The following TTC28 variants were observed in gnomAD, a reference collection of about 807,000 sequenced individuals.
TTC28 encodes the protein tetratricopeptide repeat domain 28.
TTC28 carries 61 observed loss-of-function variants against 198.0 expected under a neutral mutation model. The ratio of observed to expected loss-of-function variants is 0.31; its 90% CI spans 0.25 to 0.38. TTC28 has a LOEUF of 0.38. Ranked by LOEUF, TTC28 falls within the 10% of genes least tolerant of loss-of-function variation. The pLI is 1.00. For missense variants in TTC28, 2,678 were observed against 3,164.0 expected, an observed-to-expected ratio of 0.85 and a Z score of 3.69; for synonymous variants, 1,171 against 1,297.8, an observed-to-expected ratio of 0.90 and a Z score of 2.10.
chr22:28,367,427 T>C (rs1192212312), intron 2 of TTC28, among the ~76,000 whole-genome samples: 1 of 152,008 alleles, frequency 6.6e-6, no homozygotes, highest in Admixed American at 6.5e-5. Context: ...ACTTACGGGA[T>C]ACAGCAAAAG....
intron 6 of TTC28, among the ~76,000 whole-genome samples, chr22:28,127,266 A>G (rs916777153): frequency 9.9e-5 from 15 of 152,190 alleles, no homozygotes; most frequent in African/African-American, 3.6e-4. Flanking sequence ...TGGAATCTTA[A>G]GTCATTTTGC....
intron 2 of TTC28, among the ~76,000 whole-genome samples, chr22:28,600,844 T>C (rs373152061): frequency 2.0e-5 from 3 of 152,364 alleles, no homozygotes; most frequent in South Asian, 2.1e-4. Flanking sequence ...AAAAGATTCT[T>C]CCTGCATGTA....
chr22:28,623,356 G>A (rs2051030316), intron 2 of TTC28, among the ~76,000 whole-genome samples: 1 of 152,134 alleles, frequency 6.6e-6, no homozygotes, highest in Admixed American at 6.5e-5. Context: ...AATGTTATGT[G>A]TATATGTTAA....
intron 2 of TTC28, among the ~76,000 whole-genome samples, chr22:28,514,002 A>T (rs2048735286): frequency 6.6e-6 from 1 of 152,196 alleles, no homozygotes; most frequent in Admixed American, 6.5e-5. Flanking sequence ...AGAGATTAAG[A>T]TTTAAGATAG....
chr22:28,389,839 A>T (rs1417494043), intron 2 of TTC28, among the ~76,000 whole-genome samples: 13 of 151,396 alleles, frequency 8.6e-5, no homozygotes, highest in South Asian at 4.2e-4. Context: ...TGTCTCTATT[A>T]CCTTCAGTTC....
At chr22:28,632,364 C>T (rs1198159527) in intron 1 of TTC28, among the ~76,000 whole-genome samples, 1 of 145,466 alleles carries the variant, frequency 6.9e-6, no homozygotes, top group Non-Finnish European at 1.5e-5. Flanking sequence ...GCAACCTCTG[C>T]CTCCCAGGTT....
At chr22:28,643,592 G>A (rs546002880) in intron 1 of TTC28, among the ~76,000 whole-genome samples, 166 of 152,280 alleles carry the variant, frequency 1.1e-3, no homozygotes, top group African/African-American at 3.8e-3. Flanking sequence ...AATTATTTGG[G>A]AGAAATTCCT....
At chr22:28,523,919 TCCTTTTCCTCCTTTCAATC>T (rs972091296) in intron 2 of TTC28, among the ~76,000 whole-genome samples, 52 of 152,240 alleles carry the variant, frequency 3.4e-4, no homozygotes, top group Middle Eastern at 3.4e-3. Flanking sequence ...ATATTTTTCT[TCCTTTTCCTCCTTTCAATC>T]CCTTTTCCTC....
intron 5 of TTC28, among the ~76,000 whole-genome samples, chr22:28,216,041 T>C (rs1249635620): frequency 6.6e-6 from 1 of 152,162 alleles, no homozygotes. Flanking sequence ...GCAGAACCTA[T>C]AGGGCTAGGC....
At chr22:28,615,571 T>C (rs2050890588) in intron 2 of TTC28, among the ~76,000 whole-genome samples, 1 of 152,160 alleles carries the variant, frequency 6.6e-6, no homozygotes, top group African/African-American at 2.4e-5. Context: ...AATGATAGAC[T>C]GGATAAAACG....
intron 1 of TTC28, among the ~76,000 whole-genome samples, chr22:28,670,706 T>C (rs960481144): frequency 1.4e-5 from 2 of 143,432 alleles, no homozygotes; most frequent in Admixed American, 6.9e-5. Flanking sequence ...CTTTAGGGCA[T>C]ATATATATAT....
chr22:28,383,753 C>T (rs570266344), intron 2 of TTC28, among the ~76,000 whole-genome samples: 2 of 152,302 alleles, frequency 1.3e-5, no homozygotes, highest in Admixed American at 1.3e-4. Flanking sequence ...TTTCTCTTGC[C>T]TAGATCACAA....
chr22:28,209,852 T>C (rs1926755881), intron 5 of TTC28, among the ~76,000 whole-genome samples: 1 of 152,198 alleles, frequency 6.6e-6, no homozygotes, highest in Non-Finnish European at 1.5e-5. Flanking sequence ...AGTGGGTTCC[T>C]AACCCCTGAG....
chr22:28,153,143 T>C (rs894253572), intron 6 of TTC28, among the ~76,000 whole-genome samples: 4 of 152,036 alleles, frequency 2.6e-5, no homozygotes, highest in African/African-American at 9.7e-5. Context: ...AATATGATTT[T>C]ATAAAAGTAA....
At chr22:27,986,066 G>A (rs1937204604) in intron 21 of TTC28, 1 of 152,432 alleles carries the variant, frequency 6.6e-6, no homozygotes, top group African/African-American at 2.4e-5. Flanking sequence ...TCTCCCTGGG[G>A]AGAAGCCAAG....
In TTC28 at chr22:28,674,265, G is replaced by GTTTTT. The variant is rs943369337; in HGVS notation, c.102+5352_102+5356dup. Among the ~76,000 whole-genome samples the GTTTTT allele has an allele frequency of 4.6e-5, 5 of 107,664 alleles. 1 individual carries two copies. Among genetic ancestry groups the GTTTTT allele is most frequent in the African/African-American group, 3.4e-5 (1 of 29,128 alleles). The allele number at this position is 107,664 out of a possible 152,430, so 70.6% of individuals were successfully genotyped here. On this transcript the variant is annotated intron_variant, in intron 1 of 22. Coordinates refer to ENST00000397906, the MANE Select transcript of TTC28 (RefSeq NM_001145418.2). Reference sequence around the variant, plus strand: ...TTCTGTTTGTGGTTTTTTCTTTGTGGTTTTTTTTTTTTTTTTTTTTGGTCT... The same window carrying GTTTTT: ...TTCTGTTTGTGGTTTTTTCTTTGTGGTTTTTTTTTTTTTTTTTTTTTTTTTGGTCT...
intron 13 of TTC28, among the ~76,000 whole-genome samples, chr22:28,016,005 A>G (rs1436216694): frequency 6.6e-6 from 1 of 152,088 alleles, no homozygotes; most frequent in East Asian, 1.9e-4. Context: ...TTCTACCCCT[A>G]GCTCTCTCCC....
intron 12 of TTC28, among the ~76,000 whole-genome samples, chr22:28,041,737 T>A (rs1262820189): frequency 2.6e-5 from 4 of 151,952 alleles, no homozygotes; most frequent in Non-Finnish European, 5.9e-5. Context: ...ACAAATGGGA[T>A]CTAATTAAAC....
intron 2 of TTC28, among the ~76,000 whole-genome samples, chr22:28,312,741 T>C (rs564983657): frequency 6.6e-6 from 1 of 152,258 alleles, no homozygotes. Flanking sequence ...TAGCACTAAA[T>C]GCCCACAAGA....
Sources: gnomAD v4.1 joint callset for allele counts (sites outside exome capture counted in the v4.1 genomes callset) on GRCh38, gnomAD v4.1.1 for gene constraint, MANE v1.5 for transcripts, NCBI Gene and HGNC (gene_info 2026-07-23, HGNC 2026-07-21) for gene names.